ADAMTSL1: variants seen among roughly 807,000 people sequenced by gnomAD.
The protein encoded by ADAMTSL1 is ADAMTS like 1.
A neutral mutation model predicts 201.8 loss-of-function variants in ADAMTSL1; 126 were observed. The ratio of observed to expected loss-of-function variants is 0.62; its 90% CI spans 0.54 to 0.72. The LOEUF is 0.72. Ranked by LOEUF, ADAMTSL1 falls within the 30% of genes least tolerant of loss-of-function variation. The probability of loss-of-function intolerance (pLI) is 0.00; values close to 1 mark genes in which losing one functional copy is unlikely to be tolerated. For missense variants in ADAMTSL1, 2,679 were observed against 2,277.8 expected (o/e 1.18, Z -3.59); for synonymous variants, 1,121 against 903.4 (o/e 1.24, Z -4.32).
chr9:18,886,166 G>GTATGTATGTA (rs55916376), intron 23 of ADAMTSL1, among the ~76,000 whole-genome samples: 1 of 37,138 alleles, frequency 2.7e-5, no homozygotes, highest in Non-Finnish European at 4.9e-5. Flanking sequence ...GTGTGTATGT[G>GTATGTATGTA]TATATATATA....
intron 15 of ADAMTSL1, among the ~76,000 whole-genome samples, chr9:18,746,328 C>A (rs1819143376): frequency 6.6e-6 from 1 of 152,166 alleles, no homozygotes. Flanking sequence ...CCTCCTTAGG[C>A]TTTCTAGAGT....
At chr9:18,415,379 C>T (rs576804139) in intron 2 of ADAMTSL1, among the ~76,000 whole-genome samples, 1 of 152,060 alleles carries the variant, frequency 6.6e-6, no homozygotes, top group Non-Finnish European at 1.5e-5. Flanking sequence ...AATCAAACTT[C>T]TAAAAATAAA....
intron 2 of ADAMTSL1, among the ~76,000 whole-genome samples, chr9:18,324,283 C>T (rs575782010): frequency 1.3e-5 from 2 of 152,280 alleles, no homozygotes; most frequent in East Asian, 3.9e-4. Context: ...TTGATCACTA[C>T]TTCACACTCA....
chr9:18,099,336 TATATATATATATATA>T (rs1354957613), intron 1 of ADAMTSL1, among the ~76,000 whole-genome samples: 1 of 44,308 alleles, frequency 2.3e-5, no homozygotes, highest in African/African-American at 8.2e-5. Context: ...AATATATATA[TATATATATATATATA>T]TATATTTTTT....
chr9:18,120,185 C>G (rs1237838485), intron 1 of ADAMTSL1, among the ~76,000 whole-genome samples: 1 of 152,162 alleles, frequency 6.6e-6, no homozygotes, highest in Non-Finnish European at 1.5e-5. Flanking sequence ...TCCAAGTTCA[C>G]TCACATGGTC....
intron 1 of ADAMTSL1, among the ~76,000 whole-genome samples, chr9:18,022,587 C>T (rs1270743322): frequency 1.3e-5 from 2 of 151,840 alleles, no homozygotes; most frequent in Non-Finnish European, 2.9e-5. Flanking sequence ...AAGCTGAATA[C>T]ATGTTGAATG....
chr9:18,846,532 C>A (rs561545960), intron 23 of ADAMTSL1, among the ~76,000 whole-genome samples: 1 of 152,274 alleles, frequency 6.6e-6, no homozygotes, highest in Non-Finnish European at 1.5e-5. Context: ...ATTGCTGGTG[C>A]TCTGTAAGAT....
intron 26 of ADAMTSL1, among the ~76,000 whole-genome samples, chr9:18,893,414 C>T (rs1167559823): frequency 6.6e-6 from 1 of 152,164 alleles, no homozygotes; most frequent in Non-Finnish European, 1.5e-5. Context: ...AGGTCTTGCT[C>T]CCTTTCTGCA....
chr9:18,792,139 A>G (rs1280776945), intron 19 of ADAMTSL1, among the ~76,000 whole-genome samples: 1 of 152,074 alleles, frequency 6.6e-6, no homozygotes, highest in African/African-American at 2.4e-5. Flanking sequence ...GGCCAATATC[A>G]TGTGCCCCTC....
At chr9:18,468,432 C>CA (rs2131736882) in intron 2 of ADAMTSL1, among the ~76,000 whole-genome samples, 1 of 152,244 alleles carries the variant, frequency 6.6e-6, no homozygotes, top group South Asian at 2.1e-4. Context: ...AATTGAGAGA[C>CA]ATGTCCAGTG....
intron 7 of ADAMTSL1, among the ~76,000 whole-genome samples, chr9:18,639,934 T>G (rs1827340328): frequency 6.6e-6 from 1 of 152,118 alleles, no homozygotes; most frequent in Non-Finnish European, 1.5e-5. Context: ...CACATTCTGC[T>G]GGAAAAGTGC....
At chr9:18,541,181 T>G (rs867611712) in intron 3 of ADAMTSL1, among the ~76,000 whole-genome samples, 4 of 152,338 alleles carry the variant, frequency 2.6e-5, no homozygotes, top group Non-Finnish European at 2.9e-5. Context: ...AGAGTCTGCA[T>G]GCATTCTGCA....
At chr9:18,018,410 A>G (rs1033968342) in intron 1 of ADAMTSL1, among the ~76,000 whole-genome samples, 9 of 152,018 alleles carry the variant, frequency 5.9e-5, no homozygotes, top group Admixed American at 5.9e-4. Flanking sequence ...TGTAGCCTTT[A>G]TTTATGGACT....
chr9:18,394,286 A>C (rs1442867839), intron 2 of ADAMTSL1, among the ~76,000 whole-genome samples: 1 of 152,220 alleles, frequency 6.6e-6, no homozygotes, highest in Non-Finnish European at 1.5e-5. Context: ...AAAAGTTTTT[A>C]AAGGCCATAT....
intron 1 of ADAMTSL1, among the ~76,000 whole-genome samples, chr9:18,148,349 A>C (rs1160789069): frequency 3.9e-5 from 6 of 151,902 alleles, no homozygotes; most frequent in African/African-American, 1.4e-4. Flanking sequence ...CAAAAAAAAA[A>C]AAACATGGAT....
At chr9:18,099,243 T>C (rs1824384226) in intron 1 of ADAMTSL1, among the ~76,000 whole-genome samples, 1 of 147,772 alleles carries the variant, frequency 6.8e-6, no homozygotes, top group African/African-American at 2.5e-5. Context: ...TTGCCTGGGG[T>C]GTTGCTCCTG....
At chr9:18,754,849 T>C (rs1289483238) in intron 16 of ADAMTSL1, among the ~76,000 whole-genome samples, 6 of 152,216 alleles carry the variant, frequency 3.9e-5, no homozygotes, top group African/African-American at 7.2e-5. Flanking sequence ...ATACTATGGA[T>C]GGTTTGTGGA....
intron 1 of ADAMTSL1, among the ~76,000 whole-genome samples, chr9:18,033,106 C>T (rs1821044883): frequency 6.6e-6 from 1 of 152,192 alleles, no homozygotes; most frequent in South Asian, 2.1e-4. Flanking sequence ...AATATAATAA[C>T]TTCCTTATTT....
intron 19 of ADAMTSL1, 124 bp downstream of exon 19, chr9:18,778,030 C>G: frequency 1.6e-6 from 2 of 1,271,958 alleles, no homozygotes; most frequent in East Asian, 5.0e-5. Context: ...CCTCGGGGAC[C>G]CCATCATGGG....
Sources: allele counts gnomAD v4.1 joint callset (sites outside exome capture counted in the v4.1 genomes callset), GRCh38; gene constraint gnomAD v4.1.1; transcripts MANE v1.5; gene names NCBI Gene and HGNC (gene_info 2026-07-23, HGNC 2026-07-21).